SLC8A1: variants seen among roughly 807,000 people sequenced by gnomAD.
SLC8A1 encodes sodium/calcium exchanger 1.
In SLC8A1, 18 loss-of-function variants were observed where a neutral mutation model predicts 68.3. The ratio of observed to expected loss-of-function variants is 0.26; its 90% confidence interval spans 0.18 to 0.39. The LOEUF (loss-of-function observed/expected upper bound fraction) is 0.39. SLC8A1 is among the 10% of genes least tolerant of loss of function. SLC8A1 has a pLI of 1.00. For synonymous variants in SLC8A1, 475 were observed against 415.5 expected (o/e 1.14, Z -1.74); for missense variants, 985 against 1,156.7 (o/e 0.85, Z 2.15).
intron 2 of SLC8A1, among the ~76,000 whole-genome samples, chr2:40,247,525 C>G (rs1432822179): frequency 6.6e-6 from 1 of 151,996 alleles, no homozygotes; most frequent in Non-Finnish European, 1.5e-5. Context: ...CTTCCTTATG[C>G]TAGAGCACCA....
chr2:40,285,296 C>A (rs2068134039), intron 2 of SLC8A1, among the ~76,000 whole-genome samples: 1 of 152,120 alleles, frequency 6.6e-6, no homozygotes, highest in Non-Finnish European at 1.5e-5. Context: ...CTCTTTAACC[C>A]TTTCAAGACT....
At chr2:40,308,990 G>T (rs2073179710) in intron 2 of SLC8A1, among the ~76,000 whole-genome samples, 1 of 152,256 alleles carries the variant, frequency 6.6e-6, no homozygotes. Flanking sequence ...GTTAACTGGA[G>T]ATGTTGAAAT....
intron 1 of SLC8A1, among the ~76,000 whole-genome samples, chr2:40,499,537 A>G (rs1247622943): frequency 2.6e-5 from 4 of 152,100 alleles, no homozygotes; most frequent in African/African-American, 7.2e-5. Flanking sequence ...AGAAGCTTTT[A>G]AAAAAGTATT....
intron 2 of SLC8A1, among the ~76,000 whole-genome samples, chr2:40,427,614 A>G (rs547475696): frequency 6.6e-6 from 1 of 152,210 alleles, no homozygotes; most frequent in East Asian, 1.9e-4. Context: ...ACAGCCCTCT[A>G]AATATCAACT....
intron 2 of SLC8A1, among the ~76,000 whole-genome samples, chr2:40,287,581 G>GGTGTGTGTGTGTGTGTGTGT (rs2068519587): frequency 1.3e-5 from 1 of 74,750 alleles, no homozygotes; most frequent in Admixed American, 1.4e-4. Context: ...GCAGAGGAAT[G>GGTGTGTGTGTGTGTGTGTGT]ATGTGTGTGT....
At chr2:40,156,051 T>G (rs1322181449) in intron 6 of SLC8A1, among the ~76,000 whole-genome samples, 2 of 152,208 alleles carry the variant, frequency 1.3e-5, no homozygotes, top group Admixed American at 6.5e-5. Flanking sequence ...TCCCCTTCCT[T>G]CTAGAAGAAC....
chr2:40,396,763 A>AAAC (rs1167735046), intron 2 of SLC8A1, among the ~76,000 whole-genome samples: 9 of 147,798 alleles, frequency 6.1e-5, no homozygotes, highest in African/African-American at 2.2e-4. Context: ...AAAAAAAAAA[A>AAAC]AAAAAAAAAA....
intron 2 of SLC8A1, among the ~76,000 whole-genome samples, chr2:40,363,403 A>G (rs1046064033): frequency 2.0e-5 from 3 of 152,110 alleles, no homozygotes; most frequent in Admixed American, 6.6e-5. Flanking sequence ...TGTCACTACT[A>G]AACTATGTGC....
exon 2 of SLC8A1, chr2:40,429,659 C>T (rs762344073): frequency 6.2e-7 from 1 of 1,613,824 alleles, no homozygotes; most frequent in East Asian, 2.2e-5. Flanking sequence ...CTCCAGGCTG[C>T]TGTCACAAAG....
At chr2:40,395,286 T>C (rs1686562803) in intron 2 of SLC8A1, among the ~76,000 whole-genome samples, 2 of 152,158 alleles carry the variant, frequency 1.3e-5, no homozygotes, top group African/African-American at 4.8e-5. Flanking sequence ...CCTGACTGAC[T>C]ACATTCTTTC....
chr2:40,110,083 A>G (rs758209585), exon 8 of SLC8A1: 2 of 152,210 alleles, frequency 1.3e-5, no homozygotes, highest in Non-Finnish European at 2.9e-5. Flanking sequence ...GGACATCTTG[A>G]CAGGCAGGGA....
chr2:40,224,035 T>A (rs1039485877), intron 2 of SLC8A1, among the ~76,000 whole-genome samples: 1 of 152,104 alleles, frequency 6.6e-6, no homozygotes, highest in Admixed American at 6.5e-5. Flanking sequence ...CAGCATGGTA[T>A]AGCCATAAAT....
intron 2 of SLC8A1, among the ~76,000 whole-genome samples, chr2:40,360,743 A>G (rs1206875145): frequency 2.4e-4 from 36 of 152,146 alleles, no homozygotes; most frequent in Admixed American, 2.4e-3. Context: ...CTCAACCCCT[A>G]TGAGACAGAG....
chr2:40,219,367 C>G (rs1353280656), intron 2 of SLC8A1, among the ~76,000 whole-genome samples: 1 of 152,168 alleles, frequency 6.6e-6, no homozygotes, highest in Non-Finnish European at 1.5e-5. Context: ...CAGCACATGG[C>G]AAAGTTTGCT....
At chr2:40,458,220 T>C (rs1042265106) in intron 1 of SLC8A1, among the ~76,000 whole-genome samples, 5 of 152,178 alleles carry the variant, frequency 3.3e-5, no homozygotes, top group African/African-American at 1.2e-4. Flanking sequence ...AATATAAAAA[T>C]GAGGACTTTT....
intron 2 of SLC8A1, among the ~76,000 whole-genome samples, chr2:40,346,794 T>C (rs958723997): frequency 1.1e-4 from 16 of 152,264 alleles, no homozygotes; most frequent in Admixed American, 2.0e-4. Flanking sequence ...GAAAAAAGTC[T>C]TGTAGCTCAA....
chr2:40,413,825 C>A (rs1692968213), intron 2 of SLC8A1, among the ~76,000 whole-genome samples: 1 of 152,072 alleles, frequency 6.6e-6, no homozygotes, highest in African/African-American at 2.4e-5. Context: ...ATAAATATAA[C>A]ATAAATACAT....
chr2:40,481,211 G>A (rs1257632441), intron 1 of SLC8A1, among the ~76,000 whole-genome samples: 3 of 152,286 alleles, frequency 2.0e-5, no homozygotes, highest in African/African-American at 7.2e-5. Flanking sequence ...CCATAGGGAG[G>A]AATGGATATA....
At chr2:40,160,248 A>C (rs13409965) in intron 6 of SLC8A1, among the ~76,000 whole-genome samples, 1 of 152,062 alleles carries the variant, frequency 6.6e-6, no homozygotes, top group African/African-American at 2.4e-5. Flanking sequence ...AAAACTCTGT[A>C]CTTTGCTTGT....
Sources: allele counts gnomAD v4.1 joint callset (sites outside exome capture counted in the v4.1 genomes callset), GRCh38; gene constraint gnomAD v4.1.1; transcripts MANE v1.5; gene names NCBI Gene and HGNC (gene_info 2026-07-23, HGNC 2026-07-21).